The following UTRN variants were observed in gnomAD, a reference collection of about 807,000 sequenced individuals.
UTRN encodes utrophin.
UTRN carries 283 observed loss-of-function variants against 463.9 expected under a neutral mutation model. The observed-to-expected ratio is 0.61, with a 90% CI of 0.55 to 0.67. UTRN has a LOEUF of 0.67. Ranked by LOEUF, UTRN falls within the 30% of genes least tolerant of loss-of-function variation. The pLI, the probability that UTRN is intolerant of heterozygous loss-of-function variation, is 0.00. For synonymous variants in UTRN, 1,442 were observed against 1,431.5 expected, an observed-to-expected ratio of 1.01 and a Z score of -0.17; for missense variants, 3,922 against 4,084.3, an observed-to-expected ratio of 0.96 and a Z score of 1.08.
intron 17 of UTRN, 146 bp from the exon 18 acceptor site, chr6:144,451,224 G>T: frequency 1.4e-6 from 1 of 696,426 alleles, no homozygotes; most frequent in South Asian, 2.9e-5. Context: ...ATCTCATTTT[G>T]CATGGTTACC....
intron 2 of UTRN, among the ~76,000 whole-genome samples, chr6:144,360,054 T>TC (rs1378899919): frequency 3.5e-4 from 33 of 93,026 alleles, no homozygotes; most frequent in African/African-American, 2.2e-3. Flanking sequence ...TCCCTTCCCT[T>TC]CCCTTCCCTT....
intron 33 of UTRN, among the ~76,000 whole-genome samples, chr6:144,495,453 G>A (rs1244841371): frequency 4.6e-5 from 7 of 152,212 alleles, no homozygotes; most frequent in Admixed American, 2.0e-4. Context: ...TGCGGGGCCC[G>A]CCAAGCCCAC....
At chr6:144,752,687 A>G (rs533375077) in intron 56 of UTRN, among the ~76,000 whole-genome samples, 6 of 152,084 alleles carry the variant, frequency 3.9e-5, no homozygotes, top group South Asian at 2.1e-4. Flanking sequence ...TGTTAAATTT[A>G]TGTGTTTTTC....
chr6:144,815,812 T>A (rs991130077), intron 65 of UTRN, among the ~76,000 whole-genome samples: 5 of 152,200 alleles, frequency 3.3e-5, no homozygotes, highest in African/African-American at 1.2e-4. Context: ...GGCAACACCC[T>A]CACAGACACA....
At chr6:144,363,427 C>T (rs188170271) in intron 2 of UTRN, among the ~76,000 whole-genome samples, 8 of 152,276 alleles carry the variant, frequency 5.3e-5, no homozygotes, top group East Asian at 3.9e-4. Context: ...TTGGCCTGGT[C>T]GGACCTGTTT....
At chr6:144,307,552 G>A (rs1805853907) in intron 2 of UTRN, among the ~76,000 whole-genome samples, 3 of 152,106 alleles carry the variant, frequency 2.0e-5, no homozygotes, top group South Asian at 2.1e-4. Flanking sequence ...AGTCCAATAC[G>A]CTGGCACGAA....
chr6:144,392,494 T>A (rs1782027162), intron 2 of UTRN, among the ~76,000 whole-genome samples: 1 of 152,266 alleles, frequency 6.6e-6, no homozygotes, highest in African/African-American at 2.4e-5. Context: ...AGAATATTTC[T>A]AACATTCTAA....
intron 51 of UTRN, among the ~76,000 whole-genome samples, chr6:144,595,428 C>T (rs1041903181): frequency 4.6e-5 from 7 of 152,162 alleles, no homozygotes; most frequent in Admixed American, 1.3e-4. Flanking sequence ...TCAACTGAGG[C>T]GGAAGAATGT....
chr6:144,578,456 A>G (rs1292754187), intron 51 of UTRN, among the ~76,000 whole-genome samples: 1 of 152,022 alleles, frequency 6.6e-6, no homozygotes, highest in African/African-American at 2.4e-5. Flanking sequence ...TCCCTCAGCC[A>G]CCTGAGTAGC....
rs545375734 is a variant in UTRN, at chr6:144,438,845, C to T, written c.1342C>T (p.Pro448Ser). ...EERIQKMETC[P>S]LDDDVKSLQK... ...GCGCATTCAGAAGATGGAAACTTGC[C>T]CCCTGGATGATGATGTAAAATCTCT... Residue 448 changes from proline to serine, a missense_variant, in exon 12 of 75, where the codon CCC becomes TCC. By Grantham distance (74) the Pro-to-Ser change is moderately conservative. Around this residue, in one of 3 missense-constraint regions of UTRN, gnomAD observed 2,349 missense variants for 2,303.8 expected, o/e 1.02. Coordinates refer to ENST00000367545, the MANE Select transcript of UTRN (RefSeq NM_007124.3). 1.9e-6 allele frequency: 3 copies of T among 1,614,174 alleles called. No homozygotes were observed. The highest frequency in any genetic ancestry group is 1.3e-5 in the African/African-American group (1 of 75,022).
chr6:144,322,337 A>C (rs1775710289), intron 2 of UTRN, among the ~76,000 whole-genome samples: 1 of 152,064 alleles, frequency 6.6e-6, no homozygotes, highest in Admixed American at 6.5e-5. Context: ...TGTGTCCTGC[A>C]CTGGTGAGCA....
At chr6:144,563,010 T>A (rs897039011) in intron 50 of UTRN, among the ~76,000 whole-genome samples, 2 of 152,182 alleles carry the variant, frequency 1.3e-5, no homozygotes, top group African/African-American at 4.8e-5. Context: ...TTTTGAGAAG[T>A]GTCTGTTCAT....
At chr6:144,388,791 C>T (rs762759567) in intron 2 of UTRN, among the ~76,000 whole-genome samples, 49 of 152,210 alleles carry the variant, frequency 3.2e-4, no homozygotes, top group Middle Eastern at 3.4e-3. Context: ...CATGAGCCAC[C>T]TTGCCCTACC....
At chr6:144,816,406 T>A (rs1433018178) in intron 65 of UTRN, among the ~76,000 whole-genome samples, 1 of 152,212 alleles carries the variant, frequency 6.6e-6, no homozygotes, top group Non-Finnish European at 1.5e-5. Flanking sequence ...AAGAAAGTTT[T>A]GCCTGGAAGC....
intron 58 of UTRN, among the ~76,000 whole-genome samples, chr6:144,758,504 T>G (rs1160009401): frequency 6.6e-6 from 1 of 152,150 alleles, no homozygotes; most frequent in Admixed American, 6.6e-5. Context: ...ATTGTCAAGT[T>G]TTTCTTTGTC....
intron 2 of UTRN, among the ~76,000 whole-genome samples, chr6:144,347,648 G>GC (rs1401412916): frequency 1.3e-5 from 2 of 152,098 alleles, no homozygotes; most frequent in Non-Finnish European, 2.9e-5. Context: ...TGGCTGATCT[G>GC]GGGGAATGCT....
At chr6:144,617,078 C>T (rs1806199969) in intron 51 of UTRN, among the ~76,000 whole-genome samples, 1 of 152,102 alleles carries the variant, frequency 6.6e-6, no homozygotes, top group South Asian at 2.1e-4. Flanking sequence ...TAGTTGGTTA[C>T]ATTCAGGGTC....
chr6:144,590,287 T>C (rs974445371), intron 51 of UTRN, among the ~76,000 whole-genome samples: 2 of 152,212 alleles, frequency 1.3e-5, no homozygotes, highest in East Asian at 1.9e-4. Context: ...TTTTGCACTT[T>C]GATAAGAAAG....
rs775875409 is a variant in UTRN at position 144,839,195 on chromosome 6, A to G, written c.10088A>G (p.Asn3363Ser). 3.7e-6 allele frequency: 6 copies of G among 1,613,982 alleles called. No individual in the cohort carries two copies. The Admixed American group carries it at 8.3e-5, about 22-fold the overall frequency. The change falls in exon 72 of 75, where the codon AAT (asparagine) becomes AGT (serine). Residue 3363 changes from asparagine to serine, a missense_variant. By Grantham distance (46) the Asn-to-Ser change is conservative. Coordinates refer to ENST00000367545, the MANE Select transcript of UTRN (RefSeq NM_007124.3). ...CAGCCTGAATCTGATTCCCGAATCA[A>G]TGGTGTTTCCCCATGGGCTTCTCCT... ...LEQPESDSRI[N>S]GVSPWASPQH...
Sources: gnomAD v4.1 joint callset for allele counts (sites outside exome capture counted in the v4.1 genomes callset) on GRCh38, gnomAD v4.1.1 for gene constraint, gnomAD v4.1.1 regional missense constraint, MANE v1.5 for transcripts, NCBI Gene and HGNC (gene_info 2026-07-23, HGNC 2026-07-21) for gene names.